The following KIAA0753 variants were observed in gnomAD, a reference collection of about 807,000 sequenced individuals.
The protein encoded by KIAA0753 is KIAA0753.
Under a neutral mutation model 116.9 loss-of-function variants are expected in KIAA0753, and 114 were observed. That is an observed-to-expected ratio of 0.98 (90% CI 0.84 to 1.14). The LOEUF (loss-of-function observed/expected upper bound fraction) is 1.14. KIAA0753 is among the 50% of genes most tolerant of loss of function. KIAA0753 has a pLI of 0.00. For synonymous variants in KIAA0753, 405 were observed against 413.1 expected (o/e 0.98, Z 0.24); for missense variants, 1,156 against 1,172.4 (o/e 0.99, Z 0.20).
chr17:6,640,675 AC>A lies in KIAA0753; in HGVS notation c.-108del, dbSNP rs1972621674. On this transcript the variant is annotated 5_prime_UTR_variant, in exon 1 of 19. Transcript: ENST00000361413. ...AGGCGCGGCTACTGGGAGGCGGGCAACGGGGGCCCCCAACAAGGCCGCGCTT... is the reference window on the plus strand; with the variant it reads ...AGGCGCGGCTACTGGGAGGCGGGCAAGGGGGCCCCCAACAAGGCCGCGCTT... 1 of 157,436 alleles carries A rather than the reference AC, an allele frequency of 6.4e-6. No homozygotes were observed. Among genetic ancestry groups the A allele is most frequent in the South Asian group, 1.7e-4 (1 of 5,786 alleles). 9.8% of individuals were successfully genotyped at this position (157,436 alleles called of 1,614,324 possible). A position where few individuals can be genotyped will look rare whatever the true frequency, so the allele number is the denominator to read the frequency against.
intron 18 of KIAA0753, among the ~76,000 whole-genome samples, chr17:6,589,371 T>A (rs147686138): frequency 6.6e-6 from 1 of 152,256 alleles, no homozygotes; most frequent in African/African-American, 2.4e-5. Context: ...GATCTTAGAC[T>A]CCCCAGCCTC....
chr17:6,629,761 A>T (rs1971906634), intron 2 of KIAA0753, among the ~76,000 whole-genome samples: 1 of 152,220 alleles, frequency 6.6e-6, no homozygotes, highest in Non-Finnish European at 1.5e-5. Flanking sequence ...AGGCATCAAG[A>T]GTCACTTAAA....
At chr17:6,601,344 G>A (rs1195411696) in intron 12 of KIAA0753, among the ~76,000 whole-genome samples, 1 of 152,148 alleles carries the variant, frequency 6.6e-6, no homozygotes, top group African/African-American at 2.4e-5. Context: ...AATCACAGTT[G>A]AGGCTGTAGG....
In KIAA0753 at chr17:6,606,911, CTCAT is replaced by C; in HGVS notation, c.1967_1970del (p.Asn656SerfsTer13). The C allele has an allele frequency of 6.2e-7, 1 of 1,614,078 alleles. No homozygotes were observed. Among genetic ancestry groups the C allele is most frequent in the Non-Finnish European group, 8.5e-7 (1 of 1,179,978 alleles). On this transcript the variant is annotated frameshift_variant, in exon 12 of 19. Coordinates refer to ENST00000361413, the MANE Select transcript of KIAA0753 (RefSeq NM_014804.3). LOFTEE classifies it high-confidence loss of function. ...GTCTATACATTTCTTCAGCTTTGAGCTCATTCAGTTCCTTTGTTCTTCTAGAAGT... is the reference window on the plus strand; with the variant it reads ...GTCTATACATTTCTTCAGCTTTGAGCTCAGTTCCTTTGTTCTTCTAGAAGT...
At chr17:6,584,198 T>G (rs765939220) in intron 18 of KIAA0753, among the ~76,000 whole-genome samples, 4 of 152,238 alleles carry the variant, frequency 2.6e-5, no homozygotes, top group Non-Finnish European at 2.9e-5. Context: ...CTGTCAGAAG[T>G]GCTGCTCATC....
chr17:6,624,386 G>A (rs1971518950), intron 4 of KIAA0753, among the ~76,000 whole-genome samples: 2 of 152,094 alleles, frequency 1.3e-5, no homozygotes, highest in Non-Finnish European at 2.9e-5. Context: ...AGGACCAAGG[G>A]TTCAGGGTAA....
rs111414737 is a variant in KIAA0753, at chr17:6,579,627, T to C, written c.*120A>G. The C allele has an allele frequency of 6.1e-5, 43 of 699,916 alleles. 1 individual carries two copies. Among genetic ancestry groups the C allele is most frequent in the African/African-American group, 5.6e-4 (32 of 56,774 alleles). The allele number at this position is 699,916 out of a possible 1,614,324, so 43.4% of individuals were successfully genotyped here. ...CTCCCCGGCACTGCCTTCCTTTCAG[T>C]GGGCAGCACCTTCTGGGCCTGGATG... On this transcript the variant is annotated 3_prime_UTR_variant, in exon 19 of 19. Transcript: ENST00000361413.
intron 7 of KIAA0753, among the ~76,000 whole-genome samples, chr17:6,619,514 T>C: frequency 6.6e-6 from 1 of 152,022 alleles, no homozygotes; most frequent in Non-Finnish European, 1.5e-5. Context: ...GCCACCTCCA[T>C]CTCCCAGGCT....
chr17:6,596,666 G>C (rs1188254171), intron 14 of KIAA0753, among the ~76,000 whole-genome samples: 1 of 152,116 alleles, frequency 6.6e-6, no homozygotes, highest in African/African-American at 2.4e-5. Flanking sequence ...CTACATTCAG[G>C]AGAATGTCCA....
chr17:6,628,346 T>C lies in KIAA0753; in HGVS notation c.489A>G (p.Lys163=). 6.2e-7 allele frequency: 1 copy of C among 1,614,164 alleles called. No homozygotes were observed. The highest frequency in any genetic ancestry group is 1.1e-5 in the South Asian group (1 of 91,090). ...AACQCSHQPS[K]VEISSSGAKV... ...TGGCACCAGAGCTGGAGATTTCTAC[T>C]TTGGATGGCTGGTGGCTACACTGAC... Residue 163 remains lysine, a synonymous_variant, in exon 3 of 19, where the codon AAA becomes AAG. Transcript: ENST00000361413.
At chr17:6,619,442 T>C (rs185060555) in intron 7 of KIAA0753, among the ~76,000 whole-genome samples, 149 of 152,308 alleles carry the variant, frequency 9.8e-4, no homozygotes, top group African/African-American at 3.6e-3. Flanking sequence ...ACTTTTTTTT[T>C]TTAAATCAAG....
intron 3 of KIAA0753, 113 bp downstream of exon 3, chr17:6,628,004 T>C (rs924044326): frequency 1.9e-6 from 2 of 1,050,796 alleles, no homozygotes; most frequent in Non-Finnish European, 2.8e-6. Flanking sequence ...GTGAACCAAC[T>C]CACAGAAGGA....
chr17:6,604,333 C>T (rs1395359341), intron 12 of KIAA0753, among the ~76,000 whole-genome samples: 1 of 151,790 alleles, frequency 6.6e-6, no homozygotes, highest in African/African-American at 2.4e-5. Context: ...CCTCGACTTC[C>T]CAGGCTCAAG....
At chr17:6,605,073 C>T (rs1488925383) in intron 12 of KIAA0753, among the ~76,000 whole-genome samples, 3 of 143,316 alleles carry the variant, frequency 2.1e-5, no homozygotes, top group African/African-American at 8.0e-5. Context: ...CATAGTGAGA[C>T]CTTGTCTCTA....
intron 15 of KIAA0753, among the ~76,000 whole-genome samples, chr17:6,595,435 C>T (rs1322832155): frequency 6.6e-6 from 1 of 152,158 alleles, no homozygotes; most frequent in East Asian, 1.9e-4. Flanking sequence ...AGACAACTAT[C>T]ACCAAGGGGA....
Position 6,590,461 on chromosome 17 carries a change from T to A in KIAA0753, c.2561+49A>T. 3 of 1,608,244 alleles carry A rather than the reference T, an allele frequency of 1.9e-6. No individual in the cohort carries two copies. The South Asian group carries it at 3.3e-5, about 18-fold the overall frequency. On this transcript the variant is annotated intron_variant, in intron 17 of 18. Coordinates refer to ENST00000361413, the MANE Select transcript of KIAA0753 (RefSeq NM_014804.3). The stretch of plus-strand genomic sequence containing the variant: ...TGAAAGAATTCAAAATCTAATAACA[T>A]CAAAGGTGACTGACTAGAATGAAAT...
intron 16 of KIAA0753, among the ~76,000 whole-genome samples, chr17:6,592,483 G>A (rs1026254789): frequency 2.6e-5 from 4 of 152,168 alleles, no homozygotes; most frequent in Non-Finnish European, 2.9e-5. Context: ...TTTGAGTAAC[G>A]TTTCCCAGCC....
At position 6,581,848 on chromosome 17, in the gene KIAA0753, C is replaced by T. The variant is rs556937967; in HGVS notation, c.2787-1984G>A. Among the ~76,000 whole-genome samples, 5 of 152,344 alleles carry T rather than the reference C, an allele frequency of 3.3e-5. No homozygotes were observed. The East Asian group carries it at 9.6e-4, about 29-fold the overall frequency. Reference sequence around the variant, plus strand: ...ACATGTCCCCATCTTTCTTTGAGCACTTCCTTTCTAGCACAGTATGTCTGA... The same window carrying T: ...ACATGTCCCCATCTTTCTTTGAGCATTTCCTTTCTAGCACAGTATGTCTGA... On this transcript the variant is annotated intron_variant, in intron 18 of 18. Transcript: ENST00000361413.
intron 7 of KIAA0753, among the ~76,000 whole-genome samples, chr17:6,619,165 G>T (rs9893282): frequency 0.29 from 44,154 of 151,606 alleles, 7,640 homozygotes; most frequent in Admixed American, 0.39. Context: ...GGAGGCAGAG[G>T]TTGCAGTGAG....
Sources: gnomAD v4.1 joint callset for allele counts (sites outside exome capture counted in the v4.1 genomes callset) on GRCh38, gnomAD v4.1.1 for gene constraint, MANE v1.5 for transcripts, NCBI Gene and HGNC (gene_info 2026-07-23, HGNC 2026-07-21) for gene names.